Variants in RNLS observed in about 807,000 individuals in gnomAD.
RNLS encodes renalase, FAD dependent amine oxidase, also known as renalase.
Under a neutral mutation model 39.8 loss-of-function variants are expected in RNLS, and 39 were observed. That is an observed-to-expected ratio of 0.98 (90% CI 0.76 to 1.28). The LOEUF (loss-of-function observed/expected upper bound fraction) is 1.28. Among genes scored for constraint, RNLS ranks in the 50% most tolerant of loss-of-function variants. RNLS has a pLI of 0.00. For synonymous variants in RNLS, 147 were observed against 150.7 expected (o/e 0.98, Z 0.18); for missense variants, 410 against 413.3 (o/e 0.99, Z 0.07).
chr10:88,261,665 C>T, the RNLS span, among the ~76,000 whole-genome samples: 4 of 152,258 alleles, frequency 2.6e-5, no homozygotes, highest in African/African-American at 9.6e-5. Context: ...TTCTACCACA[C>T]CCTCCCTTTA....
intron 4 of RNLS, among the ~76,000 whole-genome samples, chr10:88,566,259 T>C (rs1262805102): frequency 4.0e-5 from 6 of 151,858 alleles, no homozygotes; most frequent in Non-Finnish European, 7.4e-5. Context: ...TTAATAAATA[T>C]ATTATTATAT....
intron 4 of RNLS, among the ~76,000 whole-genome samples, chr10:88,418,930 C>T (rs952562382): frequency 1.3e-5 from 2 of 151,992 alleles, no homozygotes; most frequent in African/African-American, 4.8e-5. Context: ...CTACAGATAC[C>T]CCTAAAAAGC....
chr10:88,294,662 C>A, intron 6 of RNLS, among the ~76,000 whole-genome samples: 1 of 152,052 alleles, frequency 6.6e-6, no homozygotes, highest in East Asian at 1.9e-4. Flanking sequence ...GTTTAAAAGC[C>A]TTTTGAGTCC....
chr10:88,193,410 C>T, the RNLS span, among the ~76,000 whole-genome samples: 2 of 152,068 alleles, frequency 1.3e-5, no homozygotes, highest in African/African-American at 4.8e-5. Context: ...CCTTCCCAAA[C>T]GGGGTCAATT....
At chr10:88,378,897 AAGG>A (rs1316219625) in intron 4 of RNLS, among the ~76,000 whole-genome samples, 1 of 152,138 alleles carries the variant, frequency 6.6e-6, no homozygotes, top group Non-Finnish European at 1.5e-5. Context: ...TCAGAGGGTG[AAGG>A]AGAAGTTTTC....
rs1554927072 is a variant in RNLS, at chr10:88,548,289, A to AAAAAAAAAG, written c.526+24613_526+24614insCTTTTTTTT. ...AAAAAAAAAAAAAAAAAAAAAAAAA[A>AAAAAAAAAG]AAAAGAAAAGAAAAAAGAAAATAAA... is the stretch of plus-strand genomic sequence containing the variant. On this transcript the variant is annotated intron_variant, in intron 4 of 6. Transcript: ENST00000331772. 2.6e-4 allele frequency among the ~76,000 whole-genome samples: 21 copies of AAAAAAAAAG among 80,242 alleles called. 1 individual carries two copies. Among genetic ancestry groups the AAAAAAAAAG allele is most frequent in the East Asian group, 3.6e-4 (1 of 2,748 alleles). The allele number at this position is 80,242 out of a possible 152,430, so 52.6% of individuals were successfully genotyped here.
At chr10:88,353,600 T>C (rs909461958) in intron 5 of RNLS, among the ~76,000 whole-genome samples, 1 of 152,214 alleles carries the variant, frequency 6.6e-6, no homozygotes, top group Non-Finnish European at 1.5e-5. Context: ...TTCTGTTCTT[T>C]TACATTTGCT....
In RNLS at chr10:88,573,078, A is replaced by G. The variant is rs570168393; in HGVS notation, c.368-17T>C. 3.5e-5 allele frequency: 57 copies of G among 1,610,740 alleles called. No individual in the cohort carries two copies. The East Asian group carries it at 1.2e-3, about 35-fold the overall frequency. Reference sequence around the variant, plus strand: ...CTTCTGCACCTGTTCCAAAAGCAAAATCATGTCCCCATTATCAGAATTGCA... The same window carrying G: ...CTTCTGCACCTGTTCCAAAAGCAAAGTCATGTCCCCATTATCAGAATTGCA... On this transcript the variant is annotated splice_polypyrimidine_tract_variant and intron_variant, in intron 3 of 6. Transcript: ENST00000331772.
At chr10:88,198,102 C>A in the RNLS span, among the ~76,000 whole-genome samples, 1 of 152,196 alleles carries the variant, frequency 6.6e-6, no homozygotes, top group Admixed American at 6.5e-5. Flanking sequence ...ATGTTGAACC[C>A]AGCATTCCCA....
At chr10:88,210,941 G>A in the RNLS span, among the ~76,000 whole-genome samples, 1 of 152,060 alleles carries the variant, frequency 6.6e-6, no homozygotes, top group Non-Finnish European at 1.5e-5. Flanking sequence ...GTGGTTTTGA[G>A]GATCAATGCT....
chr10:88,326,366 G>A (rs964373602), intron 5 of RNLS, among the ~76,000 whole-genome samples: 35 of 152,178 alleles, frequency 2.3e-4, no homozygotes, highest in Non-Finnish European at 2.5e-4. Flanking sequence ...ATGGAGATGA[G>A]GAACTTATTG....
chr10:88,431,019 C>T (rs995252464), intron 4 of RNLS, among the ~76,000 whole-genome samples: 1 of 151,574 alleles, frequency 6.6e-6, no homozygotes, highest in African/African-American at 2.4e-5. Flanking sequence ...GCCTCTAGTA[C>T]TTCAATTTTC....
chr10:88,458,817 G>A (rs1842776799), intron 4 of RNLS, among the ~76,000 whole-genome samples: 2 of 152,104 alleles, frequency 1.3e-5, no homozygotes, highest in Non-Finnish European at 1.5e-5. Context: ...TTCTAGTTTT[G>A]CTTTGGTTTA....
the RNLS span, among the ~76,000 whole-genome samples, chr10:88,173,286 T>C: frequency 2.0e-5 from 3 of 152,226 alleles, no homozygotes; most frequent in Admixed American, 6.5e-5. Context: ...TAAAAAGCAG[T>C]TGGCTGTGAA....
intron 4 of RNLS, among the ~76,000 whole-genome samples, chr10:88,469,303 T>C (rs1441428601): frequency 6.6e-6 from 1 of 152,210 alleles, no homozygotes; most frequent in Non-Finnish European, 1.5e-5. Flanking sequence ...TAGAGGTATC[T>C]TATCCCCTTT....
chr10:88,172,842 G>GTT, the RNLS span, among the ~76,000 whole-genome samples: 367 of 43,678 alleles, frequency 8.4e-3, 105 homozygotes, highest in East Asian at 0.027. Flanking sequence ...ATTTTGAGTT[G>GTT]TTTTTTTTTT....
At chr10:88,524,956 C>CACACACACACACATAT (rs768939981) in intron 4 of RNLS, among the ~76,000 whole-genome samples, 7 of 76,296 alleles carry the variant, frequency 9.2e-5, no homozygotes, top group South Asian at 5.4e-4. Context: ...ATGGCACACA[C>CACACACACACACATAT]ATACATATAT....
At chr10:88,372,294 T>C (rs1257341025) in intron 4 of RNLS, among the ~76,000 whole-genome samples, 3 of 152,134 alleles carry the variant, frequency 2.0e-5, no homozygotes, top group African/African-American at 7.2e-5. Flanking sequence ...TGATTCCCTA[T>C]CTTTTTAATC....
chr10:88,485,772 G>T (rs1373742296), intron 4 of RNLS, among the ~76,000 whole-genome samples: 1 of 151,142 alleles, frequency 6.6e-6, no homozygotes, highest in Non-Finnish European at 1.5e-5. Context: ...AGAATAACTT[G>T]TATCTAAAAA....
Sources: allele counts gnomAD v4.1 joint callset (sites outside exome capture counted in the v4.1 genomes callset), GRCh38; gene constraint gnomAD v4.1.1; transcripts MANE v1.5; gene names NCBI Gene and HGNC (gene_info 2026-07-23, HGNC 2026-07-21).